The following SH2D4A variants were observed in gnomAD, a reference collection of about 807,000 sequenced individuals.
The protein encoded by SH2D4A is SH2 domain-containing protein 4A.
Under a neutral mutation model 64.7 loss-of-function variants are expected in SH2D4A, and 70 were observed. The ratio of observed to expected loss-of-function variants is 1.08; its 90% confidence interval spans 0.89 to 1.32. SH2D4A has a LOEUF of 1.32. Ranked by LOEUF, SH2D4A falls within the 40% of genes most tolerant of loss-of-function variation. The probability of loss-of-function intolerance (pLI) is 0.00; values close to 1 mark genes in which losing one functional copy is unlikely to be tolerated. For missense variants in SH2D4A, 706 were observed against 540.1 expected, an observed-to-expected ratio of 1.31 and a Z score of -3.04; for synonymous variants, 268 against 200.7, an observed-to-expected ratio of 1.34 and a Z score of -2.83.
At chr8:19,313,868 G>T (rs1312766954) in intron 1 of SH2D4A, 45 bp downstream of exon 1, 2 of 1,430,442 alleles carry the variant, frequency 1.4e-6, no homozygotes, top group Non-Finnish European at 1.8e-6. Flanking sequence ...AGTGTGCGTG[G>T]GGTGGGAGTA....
chr8:19,393,794 A>C (rs1042845748), intron 9 of SH2D4A, among the ~76,000 whole-genome samples: 1 of 152,178 alleles, frequency 6.6e-6, no homozygotes, highest in Non-Finnish European at 1.5e-5. Flanking sequence ...TAAAACAAAA[A>C]AATAAAAGCT....
rs575622904 is a variant in SH2D4A, at chr8:19,335,156, C to T, written c.513+299C>T. On this transcript the variant is annotated intron_variant, in intron 4 of 9. Transcript: ENST00000265807. ...AAAAAAAATTAGCTGGGCGTGGTGG[C>T]GGGCGCCTGCAGTCCCAGCTACTCG... Among the ~76,000 whole-genome samples the T allele has an allele frequency of 4.4e-3, 671 of 152,068 alleles. 3 individuals carry two copies. Among genetic ancestry groups the T allele is most frequent in the Middle Eastern group, 0.017 (5 of 294 alleles).
Position 19,333,019 on chromosome 8 carries a change from C to T in SH2D4A, c.246C>T (p.Gly82=), listed in dbSNP as rs776557387. The T allele has an allele frequency of 1.2e-5, 19 of 1,613,810 alleles. No individual in the cohort carries two copies. The highest frequency in any genetic ancestry group is 5.3e-5 in the African/African-American group (4 of 74,842). Residue 82 remains glycine, a synonymous_variant, in exon 3 of 10, where the codon GGC becomes GGT. Transcript: ENST00000265807. ...AGGAAGTCTGGGTATGGGTGATGGG[C>T]GAACACCATCTAGATAAACCCTATG... ...ADKEVWVWVM[G]EHHLDKPYDV...
At chr8:19,371,355 A>AT (rs150994776) in intron 7 of SH2D4A, among the ~76,000 whole-genome samples, 61 of 146,106 alleles carry the variant, frequency 4.2e-4, no homozygotes, top group African/African-American at 7.2e-4. Context: ...TCTGGGTTGC[A>AT]TTTTTTTTTT....
intron 2 of SH2D4A, among the ~76,000 whole-genome samples, chr8:19,323,640 C>T (rs776088266): frequency 6.6e-6 from 1 of 152,116 alleles, no homozygotes; most frequent in Non-Finnish European, 1.5e-5. Context: ...CTCGGCCTTC[C>T]GAAGGGCTGG....
At chr8:19,328,829 A>G (rs1213948631) in intron 2 of SH2D4A, among the ~76,000 whole-genome samples, 1 of 152,174 alleles carries the variant, frequency 6.6e-6, no homozygotes, top group East Asian at 1.9e-4. Context: ...TCTGTTTACT[A>G]TAGAAGGAAC....
intron 4 of SH2D4A, among the ~76,000 whole-genome samples, chr8:19,353,992 A>G (rs2052750442): frequency 7.5e-6 from 1 of 133,628 alleles, no homozygotes; most frequent in Non-Finnish European, 1.6e-5. Context: ...TTTTCAACTA[A>G]TTTTTTTTTT....
intron 4 of SH2D4A, among the ~76,000 whole-genome samples, chr8:19,343,811 G>A (rs529132484): frequency 6.6e-6 from 1 of 152,316 alleles, no homozygotes; most frequent in East Asian, 1.9e-4. Context: ...CCTCTGAAAA[G>A]AGCAGCAGTG....
chr8:19,333,038 C>A lies in SH2D4A; in HGVS notation c.265C>A (p.Pro89Thr). Residue 89 changes from proline (P) to threonine (T), a missense_variant, in exon 3 of 10, where the codon CCC becomes ACC. Pro to Thr is a conservative substitution (Grantham distance 38, BLOSUM62 -1). Coordinates refer to ENST00000265807, the MANE Select transcript of SH2D4A (RefSeq NM_022071.4). The part of the protein sequence containing the change: ...WVMGEHHLDK[P>T]YDVLCNEIIA... ...GATGGGCGAACACCATCTAGATAAA[C>A]CCTATGATGTGCTCTGTAATGAAAT... 1 of 1,614,022 alleles carries A rather than the reference C, an allele frequency of 6.2e-7. No individual in the cohort carries two copies. The highest frequency in any genetic ancestry group is 1.3e-5 in the African/African-American group (1 of 75,012).
Position 19,347,228 on chromosome 8 carries a change from C to T in SH2D4A, c.514-9975C>T, listed in dbSNP as rs186803294. ...GAGGTGCTGGGGAATAGCTGGATTT[C>T]TCTGTCCTCCTGCCAGGTTTTGAGA... On this transcript the variant is annotated intron_variant, in intron 4 of 9. Transcript: ENST00000265807. Among the ~76,000 whole-genome samples the T allele has an allele frequency of 3.6e-3, 549 of 152,292 alleles. 4 individuals are homozygous for T. Among genetic ancestry groups the T allele is most frequent in the Admixed American group, 3.9e-3 (59 of 15,290 alleles).
rs1158455947 is a variant in SH2D4A, at chr8:19,364,213, C to T, written c.848C>T (p.Pro283Leu). The T allele has an allele frequency of 1.9e-6, 3 of 1,614,172 alleles. No homozygotes were observed. The highest frequency in any genetic ancestry group is 2.2e-5 in the East Asian group (1 of 44,878). ...AGCCCCTTGCGTGTTCCGCAGAAAC[C>T]AGAAAGACCTCCCCTTCCACCCAAG... The part of the protein sequence containing the change: ...LQSPLRVPQK[P>L]ERPPLPPKPQ... Residue 283 changes from proline (P) to leucine (L), a missense_variant, in exon 7 of 10, where the codon CCA becomes CTA. Coordinates refer to ENST00000265807, the MANE Select transcript of SH2D4A (RefSeq NM_022071.4).
chr8:19,371,272 C>T (rs530937381), intron 7 of SH2D4A, among the ~76,000 whole-genome samples: 1 of 152,082 alleles, frequency 6.6e-6, no homozygotes, highest in Admixed American at 6.6e-5. Context: ...GTGGTAAATT[C>T]CCTCAGCTTT....
intron 8 of SH2D4A, among the ~76,000 whole-genome samples, chr8:19,382,070 C>T (rs1223572075): frequency 1.3e-5 from 2 of 151,878 alleles, no homozygotes; most frequent in African/African-American, 4.8e-5. Context: ...TTTATAATTG[C>T]CTATGTATTT....
chr8:19,336,055 C>G (rs2052440934), intron 4 of SH2D4A, among the ~76,000 whole-genome samples: 1 of 152,156 alleles, frequency 6.6e-6, no homozygotes, highest in Non-Finnish European at 1.5e-5. Flanking sequence ...ACTCTGATAA[C>G]TAACATGGTC....
At chr8:19,364,831 T>A (rs2052964520) in intron 7 of SH2D4A, among the ~76,000 whole-genome samples, 1 of 152,218 alleles carries the variant, frequency 6.6e-6, no homozygotes, top group African/African-American at 2.4e-5. Flanking sequence ...GCCTCCTTTT[T>A]TAGATGAATT....
intron 1 of SH2D4A, among the ~76,000 whole-genome samples, chr8:19,318,713 G>A (rs1375725883): frequency 6.6e-6 from 1 of 152,134 alleles, no homozygotes; most frequent in African/African-American, 2.4e-5. Flanking sequence ...TCTTGCACCT[G>A]CCCTGATTTT....
intron 4 of SH2D4A, among the ~76,000 whole-genome samples, chr8:19,351,534 C>T (rs1379784661): frequency 7.9e-5 from 12 of 151,882 alleles, no homozygotes; most frequent in Non-Finnish European, 1.0e-4. Context: ...ACCCAGGAGG[C>T]GGAGCTTGCA....
intron 1 of SH2D4A, among the ~76,000 whole-genome samples, chr8:19,316,391 G>T (rs1324785219): frequency 1.3e-5 from 2 of 152,216 alleles, no homozygotes; most frequent in Non-Finnish European, 2.9e-5. Context: ...GAGAGGCTGT[G>T]CTTTTTGTGC....
chr8:19,345,621 G>A (rs1345917166), intron 4 of SH2D4A, among the ~76,000 whole-genome samples: 1 of 152,124 alleles, frequency 6.6e-6, no homozygotes, highest in Admixed American at 6.5e-5. Flanking sequence ...CCTCCCCTTG[G>A]AGACTCAAAA....
Sources: gnomAD v4.1 joint callset for allele counts (sites outside exome capture counted in the v4.1 genomes callset) on GRCh38, gnomAD v4.1.1 for gene constraint, MANE v1.5 for transcripts, NCBI Gene and HGNC (gene_info 2026-07-23, HGNC 2026-07-21) for gene names.